The following FBRSL1 variants were observed in gnomAD, a reference collection of about 807,000 sequenced individuals.
The protein encoded by FBRSL1 is fibrosin like 1, also known as fibrosin-1-like protein.
FBRSL1 carries 51 observed loss-of-function variants against 89.6 expected under a neutral mutation model. The observed-to-expected ratio is 0.57, with a 90% CI of 0.45 to 0.72. FBRSL1 has a LOEUF of 0.72. FBRSL1 is among the 30% of genes least tolerant of loss of function. FBRSL1 has a pLI of 0.00. For missense variants in FBRSL1, 1,618 were observed against 1,451.8 expected, an observed-to-expected ratio of 1.11 and a Z score of -1.86; for synonymous variants, 779 against 681.1, an observed-to-expected ratio of 1.14 and a Z score of -2.24.
intron 2 of FBRSL1, among the ~76,000 whole-genome samples, chr12:132,516,320 G>A (rs1219993658): frequency 6.6e-6 from 1 of 152,106 alleles, no homozygotes; most frequent in African/African-American, 2.4e-5. Flanking sequence ...GAGTAGCTGG[G>A]ATCACAGGCA....
chr12:132,580,883 A>AGGCCCC, intron 15 of FBRSL1: 3 of 985,054 alleles, frequency 3.0e-6, no homozygotes, highest in Non-Finnish European at 3.6e-6. Flanking sequence ...GCCCGGGCCC[A>AGGCCCC]GGCCCCACAC....
Position 132,564,697 on chromosome 12 carries a change from G to T in FBRSL1, c.646-2784G>T, listed in dbSNP as rs188837376. 3.4e-4 allele frequency among the ~76,000 whole-genome samples: 30 copies of T among 89,482 alleles called. 8 individuals are homozygous for T. Among genetic ancestry groups the T allele is most frequent in the African/African-American group, 1.8e-3 (28 of 15,446 alleles). The allele number at this position is 89,482 out of a possible 152,430, so 58.7% of individuals were successfully genotyped here. On this transcript the variant is annotated intron_variant, in intron 5 of 18. Transcript: ENST00000680143. ...TTTTTAGTAGAGACGGGGTTTCACC[G>T]TGTTAGCCAGGATGGTCTCGATCTC...
At chr12:132,526,984 G>A (rs536021606) in intron 3 of FBRSL1, among the ~76,000 whole-genome samples, 196 of 152,204 alleles carry the variant, frequency 1.3e-3, no homozygotes, top group African/African-American at 4.5e-3. Context: ...GACCTCAGCA[G>A]CCCCTGCAGG....
intron 15 of FBRSL1, among the ~76,000 whole-genome samples, chr12:132,578,025 TGA>T (rs1443363025): frequency 6.6e-6 from 1 of 152,224 alleles, no homozygotes; most frequent in East Asian, 1.9e-4. Context: ...ACCACACAGT[TGA>T]AAATCCAGGT....
chr12:132,492,780 G>A (rs750863101), intron 1 of FBRSL1, among the ~76,000 whole-genome samples: 7 of 152,224 alleles, frequency 4.6e-5, no homozygotes, highest in Non-Finnish European at 4.4e-5. Flanking sequence ...GCACCCCAGG[G>A]TGGTTTCATG....
chr12:132,579,091 G>A (rs770031054), intron 15 of FBRSL1, among the ~76,000 whole-genome samples: 3 of 151,166 alleles, frequency 2.0e-5, no homozygotes, highest in Admixed American at 6.6e-5. Context: ...GCTGTCCCTC[G>A]GTGCTCTGCC....
Position 132,578,608 on chromosome 12 carries a change from G to A in FBRSL1, c.1834+1677G>A, listed in dbSNP as rs566563214. 1.4e-4 allele frequency among the ~76,000 whole-genome samples: 21 copies of A among 152,196 alleles called. 1 individual carries two copies. Among genetic ancestry groups the A allele is most frequent in the African/African-American group, 5.1e-4 (21 of 41,518 alleles). ...CGTGTACAGGCACACGTACACACAG[G>A]CACAGGCACACACATGGGCACTGCG... On this transcript the variant is annotated intron_variant, in intron 15 of 18. Coordinates refer to ENST00000680143, the MANE Select transcript of FBRSL1 (RefSeq NM_001367871.1).
chr12:132,516,561 C>G (rs2034862517), intron 2 of FBRSL1, among the ~76,000 whole-genome samples: 1 of 152,194 alleles, frequency 6.6e-6, no homozygotes, highest in Non-Finnish European at 1.5e-5. Context: ...GCCACCTCCC[C>G]CAGCCTGCTC....
Position 132,583,128 on chromosome 12 carries a change from T to G in FBRSL1, c.2359T>G (p.Ser787Ala), listed in dbSNP as rs2040900926. The G allele has an allele frequency of 2.1e-6, 3 of 1,461,012 alleles. No homozygotes were observed. In the South Asian group the frequency reaches 3.8e-5, roughly 19 times the overall value. The allele number at this position is 1,461,012 out of a possible 1,614,324, so 90.5% of individuals were successfully genotyped here. A position where few individuals can be genotyped will look rare whatever the true frequency, so the allele number is the denominator to read the frequency against. Residue 787 changes from serine (S) to alanine (A), a missense_variant, in exon 19 of 19, where the codon TCC becomes GCC. Transcript: ENST00000680143. ...EAEPRVKESR[S>A]PAKEEAAKMP... Reference sequence around the variant, plus strand: ...CGAACCTCGGGTCAAGGAGAGCCGCTCCCCGGCCAAGGAGGAGGCCGCCAA... The same window carrying G: ...CGAACCTCGGGTCAAGGAGAGCCGCGCCCCGGCCAAGGAGGAGGCCGCCAA...
chr12:132,581,567 C>T, intron 16 of FBRSL1, 51 bp downstream of exon 16: 1 of 1,542,352 alleles, frequency 6.5e-7, no homozygotes, highest in Non-Finnish European at 8.8e-7. Flanking sequence ...CCTCAGCAGC[C>T]TTGTGGCGGG....
chr12:132,500,339 C>A (rs1463015747), intron 1 of FBRSL1, among the ~76,000 whole-genome samples: 1 of 152,198 alleles, frequency 6.6e-6, no homozygotes, highest in Non-Finnish European at 1.5e-5. Context: ...ACATGAGGAA[C>A]CTGACGCACA....
chr12:132,491,368 T>C (rs2030918655), intron 1 of FBRSL1, among the ~76,000 whole-genome samples: 1 of 152,214 alleles, frequency 6.6e-6, no homozygotes, highest in African/African-American at 2.4e-5. Flanking sequence ...GGTTAATAGA[T>C]TGGCCAAAAA....
chr12:132,582,174 G>A lies in FBRSL1; in HGVS notation c.2109G>A (p.Pro703=), dbSNP rs1333346339. ...GGGCACCGCCCTCCTTCCCGGCTCCGCCCCCGTGGCCCAAGTCCGTGGACG... is the reference window on the plus strand; with the variant it reads ...GGGCACCGCCCTCCTTCCCGGCTCCACCCCCGTGGCCCAAGTCCGTGGACG... ...LHRAPPSFPA[P]PPWPKSVDAE... is the part of the protein sequence containing the mutation. The change falls in exon 18 of 19, where the codon CCG becomes CCA. Residue 703 remains proline (P), a synonymous_variant. Transcript: ENST00000680143. The A allele has an allele frequency of 1.3e-6, 2 of 1,550,026 alleles. No homozygotes were observed. The highest frequency in any genetic ancestry group is 2.0e-5 in the Admixed American group (1 of 50,990).
At chr12:132,491,114 C>G (rs1007402241) in intron 1 of FBRSL1, among the ~76,000 whole-genome samples, 3 of 152,240 alleles carry the variant, frequency 2.0e-5, no homozygotes, top group Non-Finnish European at 2.9e-5. Flanking sequence ...AAAAAATCTA[C>G]GCTTCGAAAT....
At chr12:132,530,449 T>C (rs754007769) in intron 4 of FBRSL1, among the ~76,000 whole-genome samples, 7 of 151,778 alleles carry the variant, frequency 4.6e-5, no homozygotes, top group Non-Finnish European at 8.8e-5. Context: ...TCTTAAGCTC[T>C]GGAAGGTGGG....
chr12:132,533,122 C>A (rs1175167096), intron 4 of FBRSL1, among the ~76,000 whole-genome samples: 1 of 151,268 alleles, frequency 6.6e-6, no homozygotes, highest in Non-Finnish European at 1.5e-5. Flanking sequence ...CAGAGAGCTG[C>A]AGTCTCCTCC....
chr12:132,579,443 G>A (rs2040601222), intron 15 of FBRSL1, among the ~76,000 whole-genome samples: 1 of 152,196 alleles, frequency 6.6e-6, no homozygotes, highest in Non-Finnish European at 1.5e-5. Flanking sequence ...ACATTCTTAA[G>A]CTGTTGCTAG....
intron 2 of FBRSL1, among the ~76,000 whole-genome samples, chr12:132,519,899 C>A (rs1347328829): frequency 6.8e-3 from 780 of 114,364 alleles, no homozygotes; most frequent in African/African-American, 7.5e-3. Flanking sequence ...GACTCTGTCT[C>A]AAAAAAAAAA....
intron 2 of FBRSL1, chr12:132,509,695 T>A: frequency 8.1e-7 from 1 of 1,231,490 alleles, no homozygotes; most frequent in African/African-American, 1.6e-5. Context: ...CTGCGGTCCC[T>A]GCTGACCCTG....
Sources: allele counts gnomAD v4.1 joint callset (sites outside exome capture counted in the v4.1 genomes callset), GRCh38; gene constraint gnomAD v4.1.1; transcripts MANE v1.5; gene names NCBI Gene and HGNC (gene_info 2026-07-23, HGNC 2026-07-21).